Variants in TTC6 observed in about 807,000 individuals in gnomAD.
The protein encoded by TTC6 is tetratricopeptide repeat protein 6.
TTC6 carries 172 observed loss-of-function variants against 210.4 expected under a neutral mutation model. The observed-to-expected ratio is 0.82, with a 90% CI of 0.72 to 0.93. The LOEUF is 0.93. Among genes scored for constraint, TTC6 ranks in the 40% least tolerant of loss-of-function variants. The pLI is 0.00. For missense variants in TTC6, 2,414 were observed against 2,318.1 expected (o/e 1.04, Z -0.85); for synonymous variants, 804 against 819.6 (o/e 0.98, Z 0.32).
chr14:37,676,652 A>G (rs527877719), intron 1 of TTC6, among the ~76,000 whole-genome samples: 2 of 152,198 alleles, frequency 1.3e-5, no homozygotes, highest in South Asian at 2.1e-4. Context: ...CAAGGTCATG[A>G]AGATGTATTC....
At chr14:37,745,090 G>A (rs762227593) in intron 10 of TTC6, among the ~76,000 whole-genome samples, 1 of 151,904 alleles carries the variant, frequency 6.6e-6, no homozygotes, top group Non-Finnish European at 1.5e-5. Context: ...ATATATATAT[G>A]GAGAGAGTTG....
intron 1 of TTC6, among the ~76,000 whole-genome samples, chr14:37,671,365 C>T (rs930097583): frequency 6.6e-6 from 1 of 152,084 alleles, no homozygotes; most frequent in Non-Finnish European, 1.5e-5. Flanking sequence ...TTACACAGGT[C>T]TGCCCTATTC....
At chr14:37,786,348 G>A (rs938928975) in intron 14 of TTC6, among the ~76,000 whole-genome samples, 96 of 152,306 alleles carry the variant, frequency 6.3e-4, no homozygotes, top group African/African-American at 2.3e-3. Flanking sequence ...ACCCAGCCTC[G>A]TTGCTGCCTT....
chr14:37,774,689 G>A (rs1313351518), intron 14 of TTC6, among the ~76,000 whole-genome samples: 1 of 152,068 alleles, frequency 6.6e-6, no homozygotes, highest in East Asian at 1.9e-4. Context: ...GTGTTGGCCT[G>A]AAGTTTTCAT....
In TTC6 at chr14:37,691,774, A is replaced by G. The variant is rs377294456; in HGVS notation, c.1258-4943A>G. Reference sequence around the variant, plus strand: ...AGAAAGTTGGTTTTTTGAAAAGCTAAACAAAATTAATAAACCTTTAGCCAG... The same window carrying G: ...AGAAAGTTGGTTTTTTGAAAAGCTAGACAAAATTAATAAACCTTTAGCCAG... On this transcript the variant is annotated intron_variant, in intron 3 of 30. Coordinates refer to ENST00000553443, the Ensembl canonical transcript of TTC6. Among the ~76,000 whole-genome samples, 54 of 152,268 alleles carry G rather than the reference A, an allele frequency of 3.5e-4. 1 individual carries two copies. The South Asian group carries it at 0.011, about 32-fold the overall frequency.
intron 1 of TTC6, among the ~76,000 whole-genome samples, chr14:37,601,634 G>A (rs2139215281): frequency 6.6e-6 from 1 of 152,334 alleles, no homozygotes; most frequent in Middle Eastern, 3.4e-3. Flanking sequence ...ACAGCGAACA[G>A]GGTCTCAGAC....
chr14:37,743,747 A>G (rs1334229805), intron 10 of TTC6, among the ~76,000 whole-genome samples: 2 of 152,218 alleles, frequency 1.3e-5, no homozygotes, highest in Admixed American at 6.5e-5. Flanking sequence ...CCCTCATTCA[A>G]CTCTGTTATC....
At chr14:37,809,953 A>G (rs974283089) in intron 24 of TTC6, among the ~76,000 whole-genome samples, 3 of 152,174 alleles carry the variant, frequency 2.0e-5, no homozygotes, top group Non-Finnish European at 4.4e-5. Context: ...GCATTCTTTT[A>G]AAAGGCTAGG....
Position 37,796,708 on chromosome 14 carries a change from G to T in TTC6, c.3869-79G>T, listed in dbSNP as rs149288426. On this transcript the variant is annotated intron_variant, in intron 19 of 30. Transcript: ENST00000553443. The stretch of plus-strand genomic sequence containing the variant: ...ATTCATATTATAAAGACAAATTATT[G>T]AATTACTCCCTTAGAATAATTATAT... The T allele has an allele frequency of 2.0e-4, 255 of 1,293,804 alleles. 3 individuals carry two copies. In the East Asian group the frequency reaches 6.2e-3, roughly 32 times the overall value. The allele number at this position is 1,293,804 out of a possible 1,614,324, so 80.1% of individuals were successfully genotyped here. A position where few individuals can be genotyped will look rare whatever the true frequency, so the allele number is the denominator to read the frequency against.
exon 11 of TTC6, chr14:37,749,241 A>G (rs2095944861): frequency 2.6e-6 from 4 of 1,528,966 alleles, no homozygotes; most frequent in South Asian, 2.4e-5. Flanking sequence ...GTGGAGTCTG[A>G]TCTTCCACAA....
chr14:37,706,530 C>G (rs979409597), intron 5 of TTC6, among the ~76,000 whole-genome samples: 3 of 152,032 alleles, frequency 2.0e-5, no homozygotes, highest in Admixed American at 6.6e-5. Context: ...TTTATAATAA[C>G]TAAAAACTGG....
chr14:37,831,265 T>C (rs1958684), intron 29 of TTC6, among the ~76,000 whole-genome samples: 3,156 of 152,262 alleles, frequency 0.021, 108 homozygotes, highest in African/African-American at 0.072. Context: ...TTTATTCTTT[T>C]TAATGACACA....
At chr14:37,606,897 C>G (rs1250477615) in intron 2 of TTC6, among the ~76,000 whole-genome samples, 155 bp downstream of exon 2, 1 of 152,194 alleles carries the variant, frequency 6.6e-6, no homozygotes, top group Non-Finnish European at 1.5e-5. Flanking sequence ...ATGGGTCTAG[C>G]AGGAAAGCAC....
At position 37,738,132 on chromosome 14, in the gene TTC6, G is replaced by A. The variant is rs552278375; in HGVS notation, c.1983+398G>A. ...GTAATTTATCTTGTGTAAGTAATGA[G>A]TATTAGAGTTTCAAGTATTAATGCA... On this transcript the variant is annotated intron_variant, in intron 9 of 30. Transcript: ENST00000553443. Among the ~76,000 whole-genome samples, 480 of 150,862 alleles carry A rather than the reference G, an allele frequency of 3.2e-3. 3 individuals are homozygous for A. Among genetic ancestry groups the A allele is most frequent in the South Asian group, 0.011 (54 of 4,796 alleles).
chr14:37,775,279 G>A (rs890147920), intron 14 of TTC6, among the ~76,000 whole-genome samples: 9 of 152,018 alleles, frequency 5.9e-5, no homozygotes, highest in African/African-American at 2.2e-4. Flanking sequence ...CTTTCAGGTT[G>A]GTTTGCTCTT....
chr14:37,722,777 G>T (rs2095864352), intron 6 of TTC6, among the ~76,000 whole-genome samples: 1 of 152,134 alleles, frequency 6.6e-6, no homozygotes, highest in African/African-American at 2.4e-5. Context: ...CGATCACCTG[G>T]CTAGGTAGTG....
Position 37,745,012 on chromosome 14 carries a change from A to ACC in TTC6, c.2364-3926_2364-3925insCC, listed in dbSNP as rs1005086855. On this transcript the variant is annotated intron_variant, in intron 10 of 30. Coordinates refer to ENST00000553443, the Ensembl canonical transcript of TTC6. ...GGATATGGGATACACACACACACAC[A>ACC]CACCCACACACACACATATACACAC... is the stretch of plus-strand genomic sequence containing the variant. Among the ~76,000 whole-genome samples, 13 of 151,562 alleles carry ACC rather than the reference A, an allele frequency of 8.6e-5. No homozygotes were observed. The East Asian group carries it at 1.7e-3, about 20-fold the overall frequency.
At chr14:37,842,161 C>G (rs191201092) in exon 31 of TTC6, 2 of 1,557,676 alleles carry the variant, frequency 1.3e-6, no homozygotes, top group East Asian at 4.8e-5. Flanking sequence ...GCAGCCCTGT[C>G]TTTGAAGCCT....
chr14:37,795,454 A>T, intron 18 of TTC6, 102 bp downstream of exon 20: 1 of 647,424 alleles, frequency 1.5e-6, no homozygotes, highest in Non-Finnish European at 2.4e-6. Context: ...TCCCCATTTT[A>T]CATTTAATCT....
Sources: allele counts gnomAD v4.1 joint callset (sites outside exome capture counted in the v4.1 genomes callset), GRCh38; gene constraint gnomAD v4.1.1; transcripts MANE v1.5; gene names NCBI Gene and HGNC (gene_info 2026-07-23, HGNC 2026-07-21).